The following GAPVD1 variants were observed in gnomAD, a reference collection of about 807,000 sequenced individuals.
GAPVD1 encodes the protein GTPase activating protein and VPS9 domains 1.
GAPVD1 carries 35 observed loss-of-function variants against 155.5 expected under a neutral mutation model. That is an observed-to-expected ratio of 0.23 (90% CI 0.17 to 0.30). The LOEUF is 0.30. Ranked by LOEUF, GAPVD1 falls within the 10% of genes least tolerant of loss-of-function variation. The pLI, the probability that GAPVD1 is intolerant of heterozygous loss-of-function variation, is 1.00. For synonymous variants in GAPVD1, 636 were observed against 619.7 expected (o/e 1.03, Z -0.39); for missense variants, 1,429 against 1,775.7 (o/e 0.80, Z 3.51).
intron 8 of GAPVD1, chr9:125,308,663 G>A (rs1297029747): frequency 6.6e-6 from 1 of 151,972 alleles, no homozygotes; most frequent in Non-Finnish European, 1.5e-5. Context: ...CCATACTGTG[G>A]GTAGGCACTT....
intron 2 of GAPVD1, among the ~76,000 whole-genome samples, chr9:125,269,870 A>G (rs1453401020): frequency 1.3e-5 from 2 of 151,448 alleles, no homozygotes; most frequent in African/African-American, 2.4e-5. Flanking sequence ...GGTGGCTGCC[A>G]CCATGTCCAG....
In GAPVD1 at chr9:125,302,039, A is replaced by C; in HGVS notation, c.242A>C (p.Gln81Pro). Residue 81 changes from glutamine (Q) to proline (P), a missense_variant, in exon 5 of 28, where the codon CAA becomes CCA. This residue lies in a region of GAPVD1 where 628 missense variants were observed against 733.4 expected (regional missense o/e 0.86). Coordinates refer to ENST00000297933, the MANE Select transcript of GAPVD1 (RefSeq NM_001282680.3). ...CATGCCAAAATTTTGGAAGATACAC[A>C]ATTTGTTGATGGGTATAAGCAATTG... ...CQHAKILEDT[Q>P]FVDGYKQLGF... The C allele has an allele frequency of 6.2e-7, 1 of 1,610,004 alleles. No individual in the cohort carries two copies. Among genetic ancestry groups the C allele is most frequent in the Non-Finnish European group, 8.5e-7 (1 of 1,178,704 alleles).
At position 125,363,659 on chromosome 9, in the gene GAPVD1, G is replaced by T. The variant is rs959084547; in HGVS notation, c.*913G>T. The T allele has an allele frequency of 2.6e-5, 4 of 152,576 alleles. No individual in the cohort carries two copies. The highest frequency in any genetic ancestry group is 5.9e-5 in the Non-Finnish European group (4 of 68,030). The allele number at this position is 152,576 out of a possible 1,614,324, so 9.5% of individuals were successfully genotyped here. A position where few individuals can be genotyped will look rare whatever the true frequency, so the allele number is the denominator to read the frequency against. The stretch of plus-strand genomic sequence containing the variant: ...ATATACTGCAGAAATCCCAGACAGA[G>T]CTCCTTACAAACCTTTAATTGTAAT... On this transcript the variant is annotated 3_prime_UTR_variant, in exon 28 of 28. Coordinates refer to ENST00000297933, the MANE Select transcript of GAPVD1 (RefSeq NM_001282680.3).
At chr9:125,359,334 C>T (rs771326759) in intron 25 of GAPVD1, 86 bp from the exon 26 acceptor site, 30 of 790,974 alleles carry the variant, frequency 3.8e-5, no homozygotes, top group Admixed American at 2.8e-4. Context: ...ACATGTTTCA[C>T]GTGTTTTGTA....
intron 2 of GAPVD1, among the ~76,000 whole-genome samples, chr9:125,285,417 T>C (rs1385906036): frequency 6.6e-6 from 1 of 151,740 alleles, no homozygotes; most frequent in Admixed American, 6.6e-5. Flanking sequence ...AAAATCTGAT[T>C]AATATGCATG....
At chr9:125,336,758 C>A in intron 15 of GAPVD1, 1 of 438,138 alleles carries the variant, frequency 2.3e-6, no homozygotes, top group Non-Finnish European at 4.1e-6. Flanking sequence ...ATGAACCATA[C>A]TAGCATTTGG....
intron 3 of GAPVD1, among the ~76,000 whole-genome samples, chr9:125,296,462 C>T (rs1839896162): frequency 6.7e-6 from 1 of 148,926 alleles, no homozygotes; most frequent in African/African-American, 2.5e-5. Context: ...TCAAGCAATG[C>T]TCTTGCCTCA....
Position 125,366,318 on chromosome 9 carries a change from T to C in GAPVD1, c.*3572T>C, listed in dbSNP as rs577516044. The C allele has an allele frequency of 1.4e-4, 22 of 152,352 alleles. No individual in the cohort carries two copies. Among genetic ancestry groups the C allele is most frequent in the African/African-American group, 5.3e-4 (22 of 41,576 alleles). The allele number at this position is 152,352 out of a possible 1,614,324, so 9.4% of individuals were successfully genotyped here. A position where few individuals can be genotyped will look rare whatever the true frequency, so the allele number is the denominator to read the frequency against. On this transcript the variant is annotated 3_prime_UTR_variant, in exon 28 of 28. Coordinates refer to ENST00000297933, the MANE Select transcript of GAPVD1 (RefSeq NM_001282680.3). ...GCACTCTTTTTCCTATTGTTTGCCA[T>C]GGAAATTTCCACTTTGGACCGAGTA...
chr9:125,316,268 A>C (rs1843410971), intron 9 of GAPVD1, among the ~76,000 whole-genome samples: 1 of 152,276 alleles, frequency 6.6e-6, no homozygotes, highest in Non-Finnish European at 1.5e-5. Context: ...GGTTTGTTAC[A>C]TAGGTATACA....
In GAPVD1 at chr9:125,355,636, C is replaced by T. The variant is rs529083705; in HGVS notation, c.3758-8C>T. On this transcript the variant is annotated splice_polypyrimidine_tract_variant and splice_region_variant and intron_variant, in intron 24 of 27. Coordinates refer to ENST00000297933, the MANE Select transcript of GAPVD1 (RefSeq NM_001282680.3). ...AAACTATTTAAAAATTATTATTTTG[C>T]TTTGGAGACTTTCAGAAACTCACCG... 5.2e-6 allele frequency: 8 copies of T among 1,543,966 alleles called. No homozygotes were observed. The South Asian group carries it at 9.1e-5, about 18-fold the overall frequency.
At chr9:125,325,207 A>T (rs1313556267) in intron 11 of GAPVD1, among the ~76,000 whole-genome samples, 4 of 151,054 alleles carry the variant, frequency 2.6e-5, no homozygotes, top group African/African-American at 9.7e-5. Flanking sequence ...CCTGGGCGAC[A>T]GAGTGAGACT....
At chr9:125,312,685 AGGTTG>A in intron 9 of GAPVD1, 73 bp downstream of exon 9, 1 of 1,104,578 alleles carries the variant, frequency 9.1e-7, no homozygotes, top group Non-Finnish European at 1.3e-6. Flanking sequence ...AAAACACCAG[AGGTTG>A]GGTGGCTTAT....
chr9:125,292,379 A>G (rs1376587629), intron 2 of GAPVD1, among the ~76,000 whole-genome samples: 2 of 152,030 alleles, frequency 1.3e-5, no homozygotes, highest in African/African-American at 4.8e-5. Context: ...GACTAAACTA[A>G]GACTTGGTGG....
intron 1 of GAPVD1, among the ~76,000 whole-genome samples, chr9:125,265,234 T>G (rs1833664063): frequency 6.6e-6 from 1 of 152,114 alleles, no homozygotes; most frequent in Non-Finnish European, 1.5e-5. Context: ...GATCCTAGGT[T>G]GTTTTATTTC....
At chr9:125,288,548 T>G (rs923021652) in intron 2 of GAPVD1, among the ~76,000 whole-genome samples, 4 of 152,172 alleles carry the variant, frequency 2.6e-5, no homozygotes, top group Non-Finnish European at 5.9e-5. Context: ...TACCTCCTTT[T>G]CATTTTTTTA....
intron 2 of GAPVD1, among the ~76,000 whole-genome samples, chr9:125,282,171 C>T (rs547116918): frequency 2.0e-5 from 3 of 152,104 alleles, no homozygotes; most frequent in African/African-American, 7.2e-5. Flanking sequence ...CCCAGCTACT[C>T]GGGAGGCTGA....
chr9:125,330,766 T>C (rs900075215), intron 13 of GAPVD1, among the ~76,000 whole-genome samples: 3 of 152,232 alleles, frequency 2.0e-5, no homozygotes, highest in African/African-American at 7.2e-5. Flanking sequence ...TGTGTTGAGT[T>C]ATTTTGAAAG....
At chr9:125,338,830 G>A (rs769021338) in intron 17 of GAPVD1, among the ~76,000 whole-genome samples, 3 of 151,234 alleles carry the variant, frequency 2.0e-5, no homozygotes, top group Non-Finnish European at 2.9e-5. Flanking sequence ...AGGGGGAGAG[G>A]GTACTTTAAA....
At chr9:125,316,768 T>G (rs1843487025) in intron 9 of GAPVD1, among the ~76,000 whole-genome samples, 1 of 152,206 alleles carries the variant, frequency 6.6e-6, no homozygotes, top group African/African-American at 2.4e-5. Flanking sequence ...GTAATGGGAT[T>G]GCTGGGTCAG....
Sources: allele counts gnomAD v4.1 joint callset (sites outside exome capture counted in the v4.1 genomes callset), GRCh38; gene constraint gnomAD v4.1.1; regional missense constraint gnomAD v4.1.1; transcripts MANE v1.5; gene names NCBI Gene and HGNC (gene_info 2026-07-23, HGNC 2026-07-21).